Variants in ASPRV1 observed in about 807,000 individuals in gnomAD.
ASPRV1 encodes the protein retroviral-like aspartic protease 1.
ASPRV1 carries 7 observed loss-of-function variants against 11.0 expected under a neutral mutation model. That is an observed-to-expected ratio of 0.64 (90% confidence interval 0.36 to 1.20). The LOEUF is 1.20. Ranked by LOEUF, ASPRV1 falls within the 50% of genes most tolerant of loss-of-function variation. The pLI is 0.02. For synonymous variants in ASPRV1, 136 were observed against 138.4 expected (o/e 0.98, Z 0.12); for missense variants, 299 against 320.0 (o/e 0.93, Z 0.50).
the ASPRV1 span, among the ~76,000 whole-genome samples, chr2:70,068,247 CA>C: frequency 1.3e-5 from 2 of 152,202 alleles, no homozygotes; most frequent in South Asian, 4.1e-4. Flanking sequence ...TTTCAAAGAG[CA>C]AAAGGTATCT....
the ASPRV1 span, among the ~76,000 whole-genome samples, chr2:69,948,321 G>C: frequency 6.6e-6 from 1 of 152,210 alleles, no homozygotes; most frequent in Non-Finnish European, 1.5e-5. Context: ...ACCAAGGTTT[G>C]ATTAGCAGAG....
At chr2:69,938,020 T>A in the ASPRV1 span, 1 of 1,424,640 alleles carries the variant, frequency 7.0e-7, no homozygotes, top group Non-Finnish European at 9.7e-7. Flanking sequence ...GTGCTGGGAT[T>A]ACAAGCATGA....
chr2:70,009,564 A>G, the ASPRV1 span, among the ~76,000 whole-genome samples: 2 of 152,180 alleles, frequency 1.3e-5, no homozygotes, highest in Non-Finnish European at 2.9e-5. Context: ...TCCTGGCTTC[A>G]GGTGATCCAC....
At chr2:69,946,888 T>C in the ASPRV1 span, among the ~76,000 whole-genome samples, 1 of 152,172 alleles carries the variant, frequency 6.6e-6, no homozygotes, top group African/African-American at 2.4e-5. Context: ...CCGCCAGCCC[T>C]ACAGGGCAGT....
the ASPRV1 span, among the ~76,000 whole-genome samples, chr2:70,041,621 G>A: frequency 9.2e-5 from 14 of 152,342 alleles, no homozygotes; most frequent in South Asian, 2.9e-3. Context: ...TCCTGAACTA[G>A]CAGTTAAACT....
chr2:69,965,940 C>A (rs569337701), upstream of ASPRV1, among the ~76,000 whole-genome samples: 2 of 152,350 alleles, frequency 1.3e-5, no homozygotes, highest in Non-Finnish European at 2.9e-5. Flanking sequence ...AGAACCTGTT[C>A]TTCCCATTTG....
the ASPRV1 span, among the ~76,000 whole-genome samples, chr2:70,053,238 C>G: frequency 6.6e-6 from 1 of 152,172 alleles, no homozygotes; most frequent in South Asian, 2.1e-4. Flanking sequence ...GGGTTCAGAT[C>G]TATCTGCTCT....
chr2:70,035,172 G>C, the ASPRV1 span, among the ~76,000 whole-genome samples: 1 of 152,312 alleles, frequency 6.6e-6, no homozygotes, highest in Middle Eastern at 3.4e-3. Context: ...CTCTGGGCGA[G>C]ATCCAGGTTG....
the ASPRV1 span, among the ~76,000 whole-genome samples, chr2:70,033,276 A>AAC: frequency 0.16 from 22,094 of 141,424 alleles, 1,790 homozygotes; most frequent in East Asian, 0.32. Context: ...TCAAACAGAA[A>AAC]ACACACACAC....
the ASPRV1 span, among the ~76,000 whole-genome samples, chr2:70,066,950 G>A: frequency 9.2e-5 from 14 of 151,858 alleles, no homozygotes; most frequent in Non-Finnish European, 1.5e-4. Context: ...TGGAGGTAGG[G>A]GTGAATAAAA....
chr2:69,946,233 C>A, the ASPRV1 span, among the ~76,000 whole-genome samples: 1 of 152,222 alleles, frequency 6.6e-6, no homozygotes, highest in African/African-American at 2.4e-5. Context: ...TAATGACCAA[C>A]AGAGACCAAT....
At chr2:69,997,187 T>TA in the ASPRV1 span, among the ~76,000 whole-genome samples, 70,612 of 136,104 alleles carry the variant, frequency 0.52, 20,651 homozygotes, top group African/African-American at 0.82. Flanking sequence ...CCCAGTCTAT[T>TA]AAAAAAAAAA....
the ASPRV1 span, chr2:70,017,989 A>C: frequency 2.6e-5 from 4 of 151,980 alleles, no homozygotes; most frequent in Middle Eastern, 6.8e-3. Context: ...AAATACAAAA[A>C]ATTAGCCAGG....
At chr2:70,073,070 C>T in the ASPRV1 span, 1 of 151,960 alleles carries the variant, frequency 6.6e-6, no homozygotes, top group East Asian at 1.9e-4. Context: ...GACCCTATCT[C>T]AAAAAATTAT....
chr2:69,994,138 G>A, the ASPRV1 span: 1 of 152,302 alleles, frequency 6.6e-6, no homozygotes, highest in Non-Finnish European at 1.5e-5. Context: ...CCTCTGACTG[G>A]TAAGATGTTT....
At chr2:69,948,295 C>T in the ASPRV1 span, among the ~76,000 whole-genome samples, 2 of 152,184 alleles carry the variant, frequency 1.3e-5, no homozygotes, top group African/African-American at 2.4e-5. Context: ...TATTTTATTA[C>T]ACCATCCTCG....
At chr2:69,956,820 A>C (rs1677951641), downstream of ASPRV1, among the ~76,000 whole-genome samples, 1 of 152,192 alleles carries the variant, frequency 6.6e-6, no homozygotes, top group African/African-American at 2.4e-5. Context: ...TGTACTGAGG[A>C]TGCACCATCA....
the ASPRV1 span, among the ~76,000 whole-genome samples, chr2:70,066,887 G>A: frequency 6.6e-6 from 1 of 152,126 alleles, no homozygotes; most frequent in Non-Finnish European, 1.5e-5. Flanking sequence ...ACCACGCCTG[G>A]CCCATTCTTC....
chr2:69,985,173 G>A, the ASPRV1 span, among the ~76,000 whole-genome samples: 4 of 152,126 alleles, frequency 2.6e-5, no homozygotes, highest in Non-Finnish European at 5.9e-5. Context: ...AGCTTTATCT[G>A]GCTTCCAAAC....
Sources: allele counts gnomAD v4.1 joint callset (sites outside exome capture counted in the v4.1 genomes callset), GRCh38; gene constraint gnomAD v4.1.1; transcripts MANE v1.5; gene names NCBI Gene and HGNC (gene_info 2026-07-23, HGNC 2026-07-21).